Variants in RUNX2 observed in about 807,000 individuals in gnomAD.
RUNX2 encodes the protein runt-related transcription factor 2.
A neutral mutation model predicts 51.7 loss-of-function variants in RUNX2; 10 were observed. That is an observed-to-expected ratio of 0.19 (90% CI 0.12 to 0.33). RUNX2 has a LOEUF of 0.33. RUNX2 is among the 10% of genes least tolerant of loss of function. The pLI, the probability that RUNX2 is intolerant of heterozygous loss-of-function variation, is 1.00. For missense variants in RUNX2, 562 were observed against 691.3 expected (o/e 0.81, Z 2.10); for synonymous variants, 276 against 273.6 (o/e 1.01, Z -0.09).
chr6:45,458,022 A>ATTT (rs67652614), intron 5 of RUNX2, among the ~76,000 whole-genome samples: 5 of 137,704 alleles, frequency 3.6e-5, no homozygotes, highest in South Asian at 2.3e-4. Context: ...CTGGGATAGG[A>ATTT]TTTTTTTTTT....
At chr6:45,366,111 A>G (rs1262433464) in intron 2 of RUNX2, among the ~76,000 whole-genome samples, 1 of 152,216 alleles carries the variant, frequency 6.6e-6, no homozygotes, top group East Asian at 1.9e-4. Flanking sequence ...GAAGTGCTCA[A>G]TAAACATTAG....
chr6:45,496,009 C>A (rs996080179), intron 6 of RUNX2, among the ~76,000 whole-genome samples: 4 of 152,170 alleles, frequency 2.6e-5, no homozygotes, highest in African/African-American at 9.7e-5. Flanking sequence ...CTCCCCACAG[C>A]TTCCTGGGGA....
intron 5 of RUNX2, among the ~76,000 whole-genome samples, chr6:45,464,813 A>T (rs1171222785): frequency 6.6e-6 from 1 of 152,216 alleles, no homozygotes; most frequent in East Asian, 1.9e-4. Flanking sequence ...CCTTGGTAGG[A>T]TTTAAGCTTT....
chr6:45,362,334 T>C (rs1038510154), intron 2 of RUNX2, among the ~76,000 whole-genome samples: 4 of 152,108 alleles, frequency 2.6e-5, no homozygotes, highest in Admixed American at 6.5e-5. Context: ...AGTGAATGGA[T>C]TGGGGAAGAC....
intron 2 of RUNX2, among the ~76,000 whole-genome samples, chr6:45,363,802 A>G (rs1794675399): frequency 6.6e-6 from 1 of 152,064 alleles, no homozygotes; most frequent in African/African-American, 2.4e-5. Flanking sequence ...TGAAAGGTGT[A>G]ATCAATTTTT....
In RUNX2 at chr6:45,404,795, T is replaced by C. The variant is rs375485081; in HGVS notation, c.59-17798T>C. On this transcript the variant is annotated intron_variant, in intron 2 of 8. Transcript: ENST00000647337. ...CCCATTTTTAAAGATTAGATTTCAATGCTCCCTTCATGAATGTATTTCTGG... is the reference window on the plus strand; with the variant it reads ...CCCATTTTTAAAGATTAGATTTCAACGCTCCCTTCATGAATGTATTTCTGG... 3.5e-3 allele frequency among the ~76,000 whole-genome samples: 529 copies of C among 152,378 alleles called. 5 individuals are homozygous for C. Among genetic ancestry groups the C allele is most frequent in the African/African-American group, 0.012 (502 of 41,596 alleles).
intron 2 of RUNX2, among the ~76,000 whole-genome samples, chr6:45,342,959 G>A (rs1790117686): frequency 6.6e-6 from 1 of 152,114 alleles, no homozygotes; most frequent in Non-Finnish European, 1.5e-5. Context: ...TCCAGTTATA[G>A]CGCCTAGTAC....
intron 2 of RUNX2, among the ~76,000 whole-genome samples, chr6:45,418,676 C>G (rs1373276903): frequency 1.3e-5 from 2 of 152,090 alleles, no homozygotes; most frequent in Non-Finnish European, 2.9e-5. Context: ...TGCTCAGAGC[C>G]AAGACATCAT....
rs571715003 is a variant in RUNX2, at chr6:45,429,575, A to G, written c.424-2288A>G. Among the ~76,000 whole-genome samples the G allele has an allele frequency of 2.0e-5, 3 of 152,284 alleles. No homozygotes were observed. In the East Asian group the frequency reaches 5.8e-4, roughly 29 times the overall value. On this transcript the variant is annotated intron_variant, in intron 3 of 8. Transcript: ENST00000647337. ...TTACTTTTGATCCAGGAGACTTCTC[A>G]TATTGAGAATAACTATATTCTCCAG...
rs181376169 is a variant in RUNX2 at position 45,436,971 on chromosome 6, G to A, written c.581-976G>A. Reference sequence around the variant, plus strand: ...ATGTTTTATTGAGTCACTGTTTCACGCCCACCTCTTCCTGTCTTGTAACAG... The same window carrying A: ...ATGTTTTATTGAGTCACTGTTTCACACCCACCTCTTCCTGTCTTGTAACAG... On this transcript the variant is annotated intron_variant, in intron 4 of 8. Coordinates refer to ENST00000647337, the MANE Select transcript of RUNX2 (RefSeq NM_001024630.4). 4.4e-3 allele frequency among the ~76,000 whole-genome samples: 665 copies of A among 152,214 alleles called. 1 individual carries two copies. Among genetic ancestry groups the A allele is most frequent in the Non-Finnish European group, 6.5e-3 (444 of 68,000 alleles).
rs1419355099 is a variant in RUNX2, at chr6:45,548,345, A to G, written c.*1040A>G. The G allele has an allele frequency of 6.6e-6, 1 of 152,664 alleles. No homozygotes were observed. The highest frequency in any genetic ancestry group is 2.4e-5 in the African/African-American group (1 of 41,456). The allele number at this position is 152,664 out of a possible 1,614,324, so 9.5% of individuals were successfully genotyped here. A position where few individuals can be genotyped will look rare whatever the true frequency, so the allele number is the denominator to read the frequency against. On this transcript the variant is annotated 3_prime_UTR_variant, in exon 9 of 9. Coordinates refer to ENST00000647337, the MANE Select transcript of RUNX2 (RefSeq NM_001024630.4). ...AGCCATATCTGAAATATTGCTAAGC[A>G]ATTTCAGTTCATCCAGGCACAATGT...
intron 6 of RUNX2, among the ~76,000 whole-genome samples, chr6:45,507,607 T>C (rs180968034): frequency 1.6e-3 from 238 of 152,334 alleles, no homozygotes; most frequent in African/African-American, 5.2e-3. Context: ...CAGCCATTTT[T>C]TTCCCCACTA....
intron 7 of RUNX2, among the ~76,000 whole-genome samples, chr6:45,521,114 T>C (rs1165849934): frequency 6.6e-6 from 1 of 152,216 alleles, no homozygotes; most frequent in African/African-American, 2.4e-5. Context: ...TGAATCCTTA[T>C]AACCTAGCAC....
chr6:45,529,803 A>G (rs548753154), intron 7 of RUNX2, among the ~76,000 whole-genome samples: 28 of 152,294 alleles, frequency 1.8e-4, no homozygotes, highest in African/African-American at 6.5e-4. Context: ...CTTTCTCCCC[A>G]TGAGCCAAGA....
At chr6:45,385,762 T>C (rs1317064295) in intron 2 of RUNX2, among the ~76,000 whole-genome samples, 2 of 152,130 alleles carry the variant, frequency 1.3e-5, no homozygotes, top group Non-Finnish European at 2.9e-5. Context: ...CAGCTGGGCA[T>C]GGTTGTGCAT....
chr6:45,432,398 A>G (rs569681731), intron 4 of RUNX2, among the ~76,000 whole-genome samples: 2 of 152,188 alleles, frequency 1.3e-5, no homozygotes, highest in African/African-American at 2.4e-5. Flanking sequence ...GGTAATATCA[A>G]TTTTGGTCTA....
At chr6:45,396,952 A>G (rs997401761) in intron 2 of RUNX2, among the ~76,000 whole-genome samples, 2 of 152,140 alleles carry the variant, frequency 1.3e-5, no homozygotes, top group Admixed American at 6.5e-5. Context: ...GCTATTATGA[A>G]TAATGCTGCT....
intron 5 of RUNX2, among the ~76,000 whole-genome samples, chr6:45,460,771 T>A (rs1482358843): frequency 6.7e-6 from 1 of 149,468 alleles, no homozygotes; most frequent in South Asian, 2.1e-4. Context: ...CCCCAACTCT[T>A]AAAAAAAAAA....
chr6:45,374,020 T>C (rs1189570139), intron 2 of RUNX2, among the ~76,000 whole-genome samples: 2 of 152,196 alleles, frequency 1.3e-5, no homozygotes, highest in African/African-American at 2.4e-5. Flanking sequence ...ATAAAAATGT[T>C]TGTAAAGTAA....
Sources: allele counts gnomAD v4.1 joint callset (sites outside exome capture counted in the v4.1 genomes callset), GRCh38; gene constraint gnomAD v4.1.1; transcripts MANE v1.5; gene names NCBI Gene and HGNC (gene_info 2026-07-23, HGNC 2026-07-21).